The following RALYL variants were observed in gnomAD, a reference collection of about 807,000 sequenced individuals.
RALYL encodes RNA-binding Raly-like protein.
RALYL carries 29 observed loss-of-function variants against 35.1 expected under a neutral mutation model. The ratio of observed to expected loss-of-function variants is 0.83; its 90% CI spans 0.61 to 1.13. The LOEUF (loss-of-function observed/expected upper bound fraction) is 1.13. RALYL is among the 50% of genes most tolerant of loss of function. The probability of loss-of-function intolerance (pLI) is 0.00; values close to 1 mark genes in which losing one functional copy is unlikely to be tolerated. For missense variants in RALYL, 359 were observed against 360.4 expected (o/e 1.00, Z 0.03); for synonymous variants, 120 against 127.6 (o/e 0.94, Z 0.40).
chr8:84,569,903 G>C (rs916578475), intron 2 of RALYL, among the ~76,000 whole-genome samples: 1 of 151,754 alleles, frequency 6.6e-6, no homozygotes, highest in Non-Finnish European at 1.5e-5. Flanking sequence ...TTGTAGGTAT[G>C]TGACTTAATT....
intron 1 of RALYL, among the ~76,000 whole-genome samples, chr8:84,417,134 CAA>C (rs1371463118): frequency 1.3e-5 from 2 of 148,696 alleles, no homozygotes; most frequent in African/African-American, 4.9e-5. Context: ...AAAGAGGAAA[CAA>C]GATGAATTTG....
chr8:84,689,648 A>G lies in RALYL; in HGVS notation c.257-84931A>G, dbSNP rs10957774. 1.9e-3 allele frequency among the ~76,000 whole-genome samples: 293 copies of G among 152,130 alleles called. 3 individuals carry two copies. In the East Asian group the frequency reaches 0.042, roughly 22 times the overall value. On this transcript the variant is annotated intron_variant, in intron 2 of 8. Transcript: ENST00000521268. Reference sequence around the variant, plus strand: ...TCTAGTTCTAGATCCCTGAGGAATCACCACACTGACTTCCACAAGGGTTGA... The same window carrying G: ...TCTAGTTCTAGATCCCTGAGGAATCGCCACACTGACTTCCACAAGGGTTGA...
intron 8 of RALYL, among the ~76,000 whole-genome samples, chr8:84,905,335 A>C (rs1846309620): frequency 6.6e-6 from 1 of 152,186 alleles, no homozygotes; most frequent in African/African-American, 2.4e-5. Context: ...GTGGACATTT[A>C]GGTTATTTCC....
chr8:84,557,058 T>C (rs991599843), intron 2 of RALYL, among the ~76,000 whole-genome samples: 2 of 152,202 alleles, frequency 1.3e-5, no homozygotes, highest in African/African-American at 2.4e-5. Context: ...ATTTTTACAA[T>C]AGGAAACCTA....
chr8:84,821,462 T>C (rs1354079338), intron 4 of RALYL, among the ~76,000 whole-genome samples: 2 of 152,222 alleles, frequency 1.3e-5, no homozygotes, highest in African/African-American at 4.8e-5. Flanking sequence ...CTTGAATGTC[T>C]AAATAATAGC....
rs181951882 is a variant in RALYL at position 84,692,887 on chromosome 8, G to A, written c.257-81692G>A. Among the ~76,000 whole-genome samples, 188 of 152,090 alleles carry A rather than the reference G, an allele frequency of 1.2e-3. 1 individual carries two copies. The highest frequency in any genetic ancestry group is 3.5e-3 in the African/African-American group (147 of 41,548). On this transcript the variant is annotated intron_variant, in intron 2 of 8. Transcript: ENST00000521268. ...AAGGGAGACATGGTAATGGATCCACGAAGTGGGATGATGCACTAAGTTGAA... is the reference window on the plus strand; with the variant it reads ...AAGGGAGACATGGTAATGGATCCACAAAGTGGGATGATGCACTAAGTTGAA...
chr8:84,609,905 G>A (rs984669171), intron 2 of RALYL, among the ~76,000 whole-genome samples: 3 of 152,144 alleles, frequency 2.0e-5, no homozygotes, highest in Admixed American at 6.5e-5. Flanking sequence ...GATGCCTCAC[G>A]TAGTGGCAGG....
At chr8:84,729,366 G>T (rs551945670) in intron 2 of RALYL, among the ~76,000 whole-genome samples, 1 of 152,142 alleles carries the variant, frequency 6.6e-6, no homozygotes, top group African/African-American at 2.4e-5. Context: ...AGCTTAAGGA[G>T]ATTTTGGGCT....
At chr8:84,309,793 T>C (rs1051981748) in intron 1 of RALYL, among the ~76,000 whole-genome samples, 1 of 152,166 alleles carries the variant, frequency 6.6e-6, no homozygotes, top group African/African-American at 2.4e-5. Flanking sequence ...GGTGTTTGTT[T>C]GTTTTTGTTT....
At chr8:84,649,480 G>A (rs377088546) in intron 2 of RALYL, among the ~76,000 whole-genome samples, 2 of 151,848 alleles carry the variant, frequency 1.3e-5, no homozygotes, top group African/African-American at 4.8e-5. Context: ...AAGGGATCCA[G>A]TTTCAGCTTT....
At chr8:84,217,793 TA>T (rs1228204742) in intron 1 of RALYL, among the ~76,000 whole-genome samples, 2 of 152,140 alleles carry the variant, frequency 1.3e-5, no homozygotes, top group Non-Finnish European at 1.5e-5. Flanking sequence ...AACTAGGCTG[TA>T]AAATGATGAT....
intron 3 of RALYL, among the ~76,000 whole-genome samples, chr8:84,793,442 G>A (rs549646633): frequency 7.9e-5 from 12 of 152,250 alleles, no homozygotes; most frequent in African/African-American, 2.6e-4. Context: ...TAGCATTGTG[G>A]AGACCATTCG....
At position 84,396,478 on chromosome 8, in the gene RALYL, A is replaced by G. The variant is rs1046969561; in HGVS notation, c.-23-132821A>G. 2.6e-5 allele frequency among the ~76,000 whole-genome samples: 4 copies of G among 152,172 alleles called. No individual in the cohort carries two copies. In the East Asian group the frequency reaches 7.7e-4, roughly 29 times the overall value. On this transcript the variant is annotated intron_variant, in intron 1 of 8. Transcript: ENST00000521268. Reference sequence around the variant, plus strand: ...GTTTCATTTATTCACTCATTCATTCATTCAATAAACATTAAAGAACCCTTG... The same window carrying G: ...GTTTCATTTATTCACTCATTCATTCGTTCAATAAACATTAAAGAACCCTTG...
chr8:84,381,783 C>A (rs1858045764), intron 1 of RALYL, among the ~76,000 whole-genome samples: 3 of 151,694 alleles, frequency 2.0e-5, no homozygotes, highest in African/African-American at 7.3e-5. Flanking sequence ...GGCCTGTTTA[C>A]TTCTTGATAG....
intron 2 of RALYL, among the ~76,000 whole-genome samples, chr8:84,644,072 A>C (rs1488907640): frequency 6.6e-6 from 1 of 152,032 alleles, no homozygotes; most frequent in African/African-American, 2.4e-5. Flanking sequence ...ATAAATGTGC[A>C]TGGTGTAAGG....
intron 2 of RALYL, among the ~76,000 whole-genome samples, chr8:84,747,094 C>T (rs1810945826): frequency 6.6e-6 from 1 of 151,612 alleles, no homozygotes; most frequent in African/African-American, 2.4e-5. Context: ...TGAAAATATA[C>T]CATATGTCCA....
In RALYL at chr8:84,798,728, G is replaced by A. The variant is rs940931768; in HGVS notation, c.333-6042G>A. Among the ~76,000 whole-genome samples the A allele has an allele frequency of 3.9e-5, 6 of 152,168 alleles. 1 individual carries two copies. Among genetic ancestry groups the A allele is most frequent in the Non-Finnish European group, 2.9e-5 (2 of 68,026 alleles). On this transcript the variant is annotated intron_variant, in intron 3 of 8. Transcript: ENST00000521268. ...ACAAAATTCTGTAAATATAATGGGT[G>A]GATATTTTTATAACATGCTTTGGAT...
chr8:84,264,447 T>C (rs1021283492), intron 1 of RALYL, among the ~76,000 whole-genome samples: 2 of 148,926 alleles, frequency 1.3e-5, no homozygotes, highest in African/African-American at 5.0e-5. Context: ...CACTTTTTAA[T>C]GGTTTTTTTT....
At chr8:84,751,265 T>C (rs1029992075) in intron 2 of RALYL, among the ~76,000 whole-genome samples, 8 of 152,088 alleles carry the variant, frequency 5.3e-5, no homozygotes, top group African/African-American at 1.9e-4. Flanking sequence ...TAGGGTGCAG[T>C]GGCATGATCT....
Sources: gnomAD v4.1 joint callset for allele counts (sites outside exome capture counted in the v4.1 genomes callset) on GRCh38, gnomAD v4.1.1 for gene constraint, MANE v1.5 for transcripts, NCBI Gene and HGNC (gene_info 2026-07-23, HGNC 2026-07-21) for gene names.